The following LRRC51 variants were observed in gnomAD, a reference collection of about 807,000 sequenced individuals.
LRRC51 encodes the protein leucine-rich repeat-containing protein 51.
LRRC51 carries 8 observed loss-of-function variants against 17.8 expected under a neutral mutation model. The observed-to-expected ratio is 0.45, with a 90% CI of 0.26 to 0.81. LRRC51 has a LOEUF of 0.81. Ranked by LOEUF, LRRC51 falls within the 30% of genes least tolerant of loss-of-function variation. The probability of loss-of-function intolerance (pLI) is 0.17; values close to 1 mark genes in which losing one functional copy is unlikely to be tolerated. For missense variants in LRRC51, 233 were observed against 239.3 expected (o/e 0.97, Z 0.17); for synonymous variants, 92 against 96.0 (o/e 0.96, Z 0.24).
At chr11:72,090,483 A>G (rs58632683) in intron 3 of LRRC51, among the ~76,000 whole-genome samples, 3,690 of 150,748 alleles carry the variant, frequency 0.024, 166 homozygotes, top group African/African-American at 0.087. Context: ...AAGCATTTAT[A>G]TATGTGTGTG....
At chr11:72,093,827 G>A (rs1207967629) in intron 4 of LRRC51, 126 bp downstream of exon 4, 9 of 925,578 alleles carry the variant, frequency 9.7e-6, no homozygotes, top group African/African-American at 1.6e-5. Flanking sequence ...CAAAGCACAA[G>A]GCTAGGGGGC....
chr11:72,088,232 T>C, intron 1 of LRRC51, 65 bp from the exon 2 acceptor site: 1 of 597,262 alleles, frequency 1.7e-6, no homozygotes, highest in Non-Finnish European at 3.0e-6. Flanking sequence ...TTGGAAACGA[T>C]CTGATAAGAC....
intron 1 of LRRC51, among the ~76,000 whole-genome samples, chr11:72,081,593 T>A (rs1233587746): frequency 6.6e-6 from 1 of 152,188 alleles, no homozygotes; most frequent in African/African-American, 2.4e-5. Flanking sequence ...GAGACCCTCT[T>A]CCAAGACATG....
intron 1 of LRRC51, among the ~76,000 whole-genome samples, chr11:72,087,780 G>T (rs1182332251): frequency 6.6e-6 from 1 of 152,092 alleles, no homozygotes; most frequent in Non-Finnish European, 1.5e-5. Flanking sequence ...ATTACATATT[G>T]AATGATTTTT....
At chr11:72,090,288 A>G (rs1250377065) in intron 3 of LRRC51, among the ~76,000 whole-genome samples, 1 of 152,194 alleles carries the variant, frequency 6.6e-6, no homozygotes. Flanking sequence ...GGAAGGAAGT[A>G]TACCTCCTAC....
chr11:72,084,874 G>A (rs1220348012), intron 1 of LRRC51, among the ~76,000 whole-genome samples: 1 of 13,880 alleles, frequency 7.2e-5, no homozygotes, highest in Non-Finnish European at 3.5e-4. Context: ...GTGTGTGTGT[G>A]TGTGTGTGTG....
chr11:72,088,265 A>T, intron 1 of LRRC51, 32 bp from the exon 2 acceptor site: 1 of 666,172 alleles, frequency 1.5e-6, no homozygotes, highest in Non-Finnish European at 2.7e-6. Flanking sequence ...ATTGCAAGTG[A>T]CTGATAACAA....
chr11:72,092,412 T>C (rs1944911786), intron 3 of LRRC51, among the ~76,000 whole-genome samples: 1 of 152,256 alleles, frequency 6.6e-6, no homozygotes, highest in Non-Finnish European at 1.5e-5. Flanking sequence ...CAAATTATGT[T>C]GATTGTAGGG....
intron 2 of LRRC51, chr11:72,088,618 GTCAACAGAGGGTGGGTA>G: frequency 3.4e-6 from 2 of 580,992 alleles, no homozygotes; most frequent in Non-Finnish European, 6.1e-6. Context: ...CCCAGTTGAT[GTCAACAGAGGGTGGGTA>G]TCAAGACAGT....
intron 1 of LRRC51, among the ~76,000 whole-genome samples, chr11:72,082,334 A>C (rs1481676274): frequency 6.6e-6 from 1 of 152,138 alleles, no homozygotes; most frequent in East Asian, 1.9e-4. Flanking sequence ...ACTACCTTAA[A>C]GTTCTCCCAG....
chr11:72,082,202 A>T (rs1393176353), intron 1 of LRRC51, among the ~76,000 whole-genome samples: 1 of 152,230 alleles, frequency 6.6e-6, no homozygotes, highest in African/African-American at 2.4e-5. Context: ...AGACTAAGAC[A>T]ATGAGACTTG....
At chr11:72,092,175 T>C (rs1944898614) in intron 3 of LRRC51, among the ~76,000 whole-genome samples, 1 of 152,216 alleles carries the variant, frequency 6.6e-6, no homozygotes, top group African/African-American at 2.4e-5. Flanking sequence ...CTAACTTGTA[T>C]GCCTTCTATG....
intron 4 of LRRC51, among the ~76,000 whole-genome samples, chr11:72,093,936 G>T (rs1945010233): frequency 6.6e-6 from 1 of 152,144 alleles, no homozygotes; most frequent in South Asian, 2.1e-4. Flanking sequence ...CTCCCTGTCG[G>T]AAAAATGGGG....
At chr11:72,093,786 C>A (rs1036612092) in intron 4 of LRRC51, 85 bp downstream of exon 4, 7 of 1,266,232 alleles carry the variant, frequency 5.5e-6, no homozygotes, top group Non-Finnish European at 8.1e-6. Context: ...TACATGTTAT[C>A]AAGGAAGTAA....
At chr11:72,086,868 A>G (rs1944560334) in intron 1 of LRRC51, among the ~76,000 whole-genome samples, 1 of 152,230 alleles carries the variant, frequency 6.6e-6, no homozygotes, top group South Asian at 2.1e-4. Context: ...AAAGTATCCA[A>G]TCTTGCTCAA....
Position 72,096,122 on chromosome 11 carries a change from C to G in LRRC51, c.*602C>G, listed in dbSNP as rs1945195615. 1 of 167,812 alleles carries G rather than the reference C, an allele frequency of 6.0e-6. No homozygotes were observed. The highest frequency in any genetic ancestry group is 5.7e-5 in the Admixed American group (1 of 17,654). The allele number at this position is 167,812 out of a possible 1,614,324, so 10.4% of individuals were successfully genotyped here. On this transcript the variant is annotated 3_prime_UTR_variant, in exon 6 of 6. Transcript: ENST00000289488. The stretch of plus-strand genomic sequence containing the variant: ...GGTTCACGCCATTCTCCTGCCTCAG[C>G]CTCCCAAGTAGCTGGGACTATAGGC...
chr11:72,088,957 CA>C (rs1944695982), intron 2 of LRRC51, 71 bp from the exon 3 acceptor site: 2 of 1,562,330 alleles, frequency 1.3e-6, no homozygotes, highest in Non-Finnish European at 1.7e-6. Context: ...GGACAGAAAG[CA>C]GGGATGGAGG....
intron 3 of LRRC51, 178 bp downstream of exon 3, chr11:72,089,343 T>C: frequency 6.7e-7 from 1 of 1,503,624 alleles, no homozygotes; most frequent in Admixed American, 2.0e-5. Context: ...GTCTTTTTGT[T>C]TGTTTTGATT....
intron 3 of LRRC51, among the ~76,000 whole-genome samples, chr11:72,093,072 C>A (rs693391): frequency 0.99 from 151,039 of 152,344 alleles, 74,913 homozygotes; most frequent in Middle Eastern, 1. Context: ...ACTCAACATT[C>A]ATGGAAAGAG....
Sources: gnomAD v4.1 joint callset for allele counts (sites outside exome capture counted in the v4.1 genomes callset) on GRCh38, gnomAD v4.1.1 for gene constraint, MANE v1.5 for transcripts, NCBI Gene and HGNC (gene_info 2026-07-23, HGNC 2026-07-21) for gene names.